Variants in PAM observed in about 807,000 individuals in gnomAD.
PAM encodes peptidylglycine alpha-amidating monooxygenase.
PAM carries 72 observed loss-of-function variants against 122.1 expected under a neutral mutation model. That is an observed-to-expected ratio of 0.59 (90% CI 0.49 to 0.72). The LOEUF (loss-of-function observed/expected upper bound fraction) is 0.72. PAM is among the 30% of genes least tolerant of loss of function. The pLI, the probability that PAM is intolerant of heterozygous loss-of-function variation, is 0.00. For missense variants in PAM, 1,106 were observed against 1,183.7 expected (o/e 0.93, Z 0.96); for synonymous variants, 389 against 404.4 (o/e 0.96, Z 0.46).
intron 1 of PAM, among the ~76,000 whole-genome samples, chr5:102,852,333 GAATA>G (rs1781531438): frequency 6.6e-6 from 1 of 151,982 alleles, no homozygotes; most frequent in Non-Finnish European, 1.5e-5. Flanking sequence ...TTTTAAATAA[GAATA>G]AATATGAAAA....
At position 102,901,371 on chromosome 5, in the gene PAM, T is replaced by C. The variant is rs1168179237; in HGVS notation, c.226T>C (p.Cys76Arg). 4 of 1,579,244 alleles carry C rather than the reference T, an allele frequency of 2.5e-6. No homozygotes were observed. The highest frequency in any genetic ancestry group is 3.5e-6 in the Non-Finnish European group (4 of 1,149,874). The change falls in exon 4 of 26, where the codon TGC (cysteine) becomes CGC (arginine). Residue 76 changes from cysteine to arginine, a missense_variant. Around this residue, in one of 3 missense-constraint regions of PAM, gnomAD observed 670 missense variants for 690.3 expected, o/e 0.97. Coordinates refer to ENST00000438793, the MANE Select transcript of PAM (RefSeq NM_001177306.2). ...VTPKQSDTYFCMSMRIPVDEE... is the reference protein window; with the variant it reads ...VTPKQSDTYFRMSMRIPVDEE... Reference sequence around the variant, plus strand: ...TTTTTAATAGTCCGATACATACTTCTGCATGTCTATGCGAATACCAGTGGA... The same window carrying C: ...TTTTTAATAGTCCGATACATACTTCCGCATGTCTATGCGAATACCAGTGGA...
chr5:102,947,886 A>G (rs1470594033), intron 8 of PAM, among the ~76,000 whole-genome samples: 1 of 152,068 alleles, frequency 6.6e-6, no homozygotes, highest in Non-Finnish European at 1.5e-5. Context: ...GTGGGGACTG[A>G]TTAAGTCCTA....
At chr5:102,873,258 A>C (rs1333844812) in intron 3 of PAM, 3 of 152,106 alleles carry the variant, frequency 2.0e-5, no homozygotes, top group Non-Finnish European at 4.4e-5. Context: ...GAAGGGAGAC[A>C]CCCCACACCA....
At chr5:102,912,621 T>C (rs113591226) in intron 4 of PAM, among the ~76,000 whole-genome samples, 1 of 140,642 alleles carries the variant, frequency 7.1e-6, no homozygotes, top group Non-Finnish European at 1.5e-5. Context: ...ATAAGGACTT[T>C]CTATGAATTG....
chr5:102,981,230 A>G (rs1769710687), intron 15 of PAM, among the ~76,000 whole-genome samples: 1 of 152,230 alleles, frequency 6.6e-6, no homozygotes, highest in Non-Finnish European at 1.5e-5. Context: ...TATTTTATGA[A>G]ATTCATATTT....
intron 22 of PAM, among the ~76,000 whole-genome samples, chr5:103,019,156 C>A (rs577954785): frequency 5.9e-5 from 9 of 152,200 alleles, no homozygotes; most frequent in East Asian, 5.8e-4. Flanking sequence ...GGGACTGTTA[C>A]AATACACATG....
At chr5:103,008,476 T>A (rs1446249958) in intron 20 of PAM, among the ~76,000 whole-genome samples, 1 of 152,078 alleles carries the variant, frequency 6.6e-6, no homozygotes, top group Non-Finnish European at 1.5e-5. Context: ...TGAAATGAGA[T>A]CAATAACGAG....
At chr5:102,754,980 AG>A (rs1000386325), upstream of PAM, 2 of 152,314 alleles carry the variant, frequency 1.3e-5, no homozygotes, top group Non-Finnish European at 2.9e-5. Context: ...CGACCCCCGC[AG>A]GGAAACCCCG....
At position 102,777,521 on chromosome 5, in the gene PAM, A is replaced by G. The variant is rs116010464; in HGVS notation, c.-374+22173A>G. ...AATTTCTAGTAAAATCAAGTATTTA[A>G]GTGGGAGTTTCTGGAAAAAAAAGAC... On this transcript the variant is annotated intron_variant, in intron 1 of 25. Transcript: ENST00000438793. Among the ~76,000 whole-genome samples, 1,462 of 152,216 alleles carry G rather than the reference A, an allele frequency of 9.6e-3. 10 individuals are homozygous for G. The highest frequency in any genetic ancestry group is 0.015 in the Non-Finnish European group (1,035 of 68,000).
At chr5:102,945,322 G>C (rs1459902290) in intron 7 of PAM, among the ~76,000 whole-genome samples, 1 of 151,716 alleles carries the variant, frequency 6.6e-6, no homozygotes, top group Non-Finnish European at 1.5e-5. Context: ...TAATTGTGCA[G>C]GATTGAAAAA....
chr5:102,812,398 C>A (rs1315096280), intron 1 of PAM, among the ~76,000 whole-genome samples: 1 of 151,730 alleles, frequency 6.6e-6, no homozygotes, highest in Non-Finnish European at 1.5e-5. Flanking sequence ...GGTAAAGATG[C>A]AGAAGAGAGA....
Position 103,029,161 on chromosome 5 carries a change from CTG to C in PAM, c.*98_*99del, listed in dbSNP as rs1785856089. On this transcript the variant is annotated 3_prime_UTR_variant, in exon 26 of 26. Transcript: ENST00000438793. ...AAAGTTCTGTGTATTTAATTGTAAA[CTG>C]TACTAGTCTGTGTGGGACTGTACAC... 5.1e-6 allele frequency: 5 copies of C among 976,456 alleles called. No homozygotes were observed. Among genetic ancestry groups the C allele is most frequent in the Non-Finnish European group, 4.5e-6 (3 of 661,576 alleles). The allele number at this position is 976,456 out of a possible 1,614,324, so 60.5% of individuals were successfully genotyped here.
At chr5:102,959,594 A>G (rs1011164431) in intron 12 of PAM, among the ~76,000 whole-genome samples, 12 of 152,102 alleles carry the variant, frequency 7.9e-5, no homozygotes, top group Non-Finnish European at 1.8e-4. Flanking sequence ...AGAAAGTACC[A>G]TATTCCCTCA....
chr5:102,974,228 G>A lies in PAM; in HGVS notation c.1275G>A (p.Glu425=), dbSNP rs760467926. ...AATCAGAGTCAGACCTGGTAGCTGA[G>A]ATTGCAAATGTAGTCCAAAAAAAGG... ...KAESESDLVA[E]IANVVQKKDL... The change falls in exon 15 of 26, where the codon GAG becomes GAA. Residue 425 remains glutamate (E), a synonymous_variant. Transcript: ENST00000438793. 6.2e-7 allele frequency: 1 copy of A among 1,614,016 alleles called. No homozygotes were observed. Among genetic ancestry groups the A allele is most frequent in the East Asian group, 2.2e-5 (1 of 44,866 alleles).
intron 14 of PAM, among the ~76,000 whole-genome samples, chr5:102,967,295 T>C (rs1764383696): frequency 6.6e-6 from 1 of 152,170 alleles, no homozygotes; most frequent in African/African-American, 2.4e-5. Flanking sequence ...TATAGTTGTG[T>C]TTTCCATATA....
intron 1 of PAM, among the ~76,000 whole-genome samples, chr5:102,856,369 G>T (rs1367812776): frequency 6.6e-6 from 1 of 152,150 alleles, no homozygotes; most frequent in Non-Finnish European, 1.5e-5. Context: ...AGGATACAAA[G>T]AAGTGGTCCA....
intron 15 of PAM, among the ~76,000 whole-genome samples, chr5:102,985,249 A>C (rs1363567847): frequency 6.6e-6 from 1 of 152,014 alleles, no homozygotes; most frequent in African/African-American, 2.4e-5. Context: ...ATAGAGACTA[A>C]AAAAATACAA....
Position 102,901,383 on chromosome 5 carries a change from C to A in PAM, c.238C>A (p.Arg80=). 1.3e-6 allele frequency: 2 copies of A among 1,588,480 alleles called. No homozygotes were observed. The highest frequency in any genetic ancestry group is 1.3e-5 in the African/African-American group (1 of 74,184). The part of the protein sequence containing the change: ...QSDTYFCMSM[R]IPVDEEAFVI... ...CGATACATACTTCTGCATGTCTATG[C>A]GAATACCAGTGGATGAGGAAGCCTT... Residue 80 remains arginine (R), a synonymous_variant, in exon 4 of 26, where the codon CGA becomes AGA. Coordinates refer to ENST00000438793, the MANE Select transcript of PAM (RefSeq NM_001177306.2).
In PAM at chr5:103,019,863, T is replaced by C. The variant is rs1388148196; in HGVS notation, c.2485+20T>C. 5.9e-6 allele frequency: 9 copies of C among 1,533,960 alleles called. No homozygotes were observed. Among genetic ancestry groups the C allele is most frequent in the Non-Finnish European group, 7.2e-6 (8 of 1,107,102 alleles). On this transcript the variant is annotated intron_variant, in intron 23 of 25. Coordinates refer to ENST00000438793, the MANE Select transcript of PAM (RefSeq NM_001177306.2). ...TCAAAGGTTGGTCAGATTCCTCTTA[T>C]TACTATAAAACCAAAGTCTGGCTGT... is the stretch of plus-strand genomic sequence containing the variant.
Sources: gnomAD v4.1 joint callset for allele counts (sites outside exome capture counted in the v4.1 genomes callset) on GRCh38, gnomAD v4.1.1 for gene constraint, gnomAD v4.1.1 regional missense constraint, MANE v1.5 for transcripts, NCBI Gene and HGNC (gene_info 2026-07-23, HGNC 2026-07-21) for gene names.